The following DLGAP2 variants were observed in gnomAD, a reference collection of about 807,000 sequenced individuals.
DLGAP2 encodes DLG associated protein 2.
A neutral mutation model predicts 100.3 loss-of-function variants in DLGAP2; 26 were observed. That is an observed-to-expected ratio of 0.26 (90% CI 0.19 to 0.36). The LOEUF (loss-of-function observed/expected upper bound fraction) is 0.36, where lower values mean the gene tolerates loss of function less well. Ranked by LOEUF, DLGAP2 falls within the 10% of genes least tolerant of loss-of-function variation. DLGAP2 has a pLI of 1.00. For synonymous variants in DLGAP2, 886 were observed against 630.1 expected (o/e 1.41, Z -6.08); for missense variants, 1,858 against 1,453.2 (o/e 1.28, Z -4.53).
At chr8:797,871 C>G (rs1230620918) in intron 1 of DLGAP2, among the ~76,000 whole-genome samples, 2 of 152,156 alleles carry the variant, frequency 1.3e-5, no homozygotes, top group Non-Finnish European at 2.9e-5. Flanking sequence ...CTGCTTCAGC[C>G]TCCTGAGTAG....
intron 1 of DLGAP2, among the ~76,000 whole-genome samples, chr8:762,505 T>C (rs535079581): frequency 6.6e-6 from 1 of 152,304 alleles, no homozygotes; most frequent in South Asian, 2.1e-4. Context: ...TTTGTTCACG[T>C]ATTTAAGAGA....
intron 5 of DLGAP2, among the ~76,000 whole-genome samples, chr8:1,557,388 G>T (rs1044241318): frequency 1.3e-5 from 2 of 152,140 alleles, no homozygotes; most frequent in African/African-American, 4.8e-5. Context: ...TGGACGTGCC[G>T]ATGGCCACGG....
At position 1,145,499 on chromosome 8, in the gene DLGAP2, G is replaced by A. The variant is rs1037296371; in HGVS notation, c.74-113352G>A. ...GCATGCTTCATCCATCCATTGCAAC[G>A]TCAACAGACCCCTCTCCTCCTTCCA... On this transcript the variant is annotated intron_variant, in intron 2 of 14. Coordinates refer to ENST00000637795, the MANE Select transcript of DLGAP2 (RefSeq NM_001346810.2). Among the ~76,000 whole-genome samples, 25 of 152,152 alleles carry A rather than the reference G, an allele frequency of 1.6e-4. 1 individual carries two copies. Among genetic ancestry groups the A allele is most frequent in the African/African-American group, 4.8e-4 (20 of 41,418 alleles).
rs1466875905 is a variant in DLGAP2, at chr8:1,703,714, C to A, written c.*2308C>A. The A allele has an allele frequency of 6.6e-6, 1 of 152,138 alleles. No individual in the cohort carries two copies. Among genetic ancestry groups the A allele is most frequent in the Non-Finnish European group, 1.5e-5 (1 of 68,036 alleles). The allele number at this position is 152,138 out of a possible 1,614,324, so 9.4% of individuals were successfully genotyped here. Reference sequence around the variant, plus strand: ...AGTCAATAATTATTTGTCTCAGATCCCAGATTCTATGATCCCTGCTTAAAA... The same window carrying A: ...AGTCAATAATTATTTGTCTCAGATCACAGATTCTATGATCCCTGCTTAAAA... On this transcript the variant is annotated 3_prime_UTR_variant, in exon 15 of 15. Transcript: ENST00000637795.
chr8:1,183,281 A>G (rs1797430722), intron 2 of DLGAP2, among the ~76,000 whole-genome samples: 1 of 152,280 alleles, frequency 6.6e-6, no homozygotes, highest in South Asian at 2.1e-4. Flanking sequence ...CTCCAGAATA[A>G]TATCAGTTCA....
At chr8:1,667,354 A>G (rs1187125419) in intron 8 of DLGAP2, among the ~76,000 whole-genome samples, 1 of 152,130 alleles carries the variant, frequency 6.6e-6, no homozygotes, top group Non-Finnish European at 1.5e-5. Flanking sequence ...TGGCCTGTCC[A>G]GCTGTACAGC....
intron 2 of DLGAP2, among the ~76,000 whole-genome samples, chr8:1,077,506 A>G (rs112858946): frequency 0.03 from 4,641 of 152,236 alleles, 223 homozygotes; most frequent in African/African-American, 0.11. Flanking sequence ...GGTGAACATC[A>G]CTGGACCCCA....
intron 3 of DLGAP2, among the ~76,000 whole-genome samples, chr8:1,374,832 A>G (rs906710566): frequency 6.6e-6 from 1 of 152,196 alleles, no homozygotes; most frequent in African/African-American, 2.4e-5. Flanking sequence ...CACTCAGGAA[A>G]GCAACTGTGC....
In DLGAP2 at chr8:1,678,313, C is replaced by T. The variant is rs775631050; in HGVS notation, c.2388C>T (p.Gly796=). 6.2e-6 allele frequency: 10 copies of T among 1,614,018 alleles called. No individual in the cohort carries two copies. The highest frequency in any genetic ancestry group is 7.6e-6 in the Non-Finnish European group (9 of 1,179,894). Reference sequence around the variant, plus strand: ...GCCACATCACCACGGAGGACAAAGGCCTTCAGTTCGGCTCATCCTTCCAGC... The same window carrying T: ...GCCACATCACCACGGAGGACAAAGGTCTTCAGTTCGGCTCATCCTTCCAGC... The part of the protein sequence containing the change: ...FPGHITTEDK[G]LQFGSSFQRH... The change falls in exon 12 of 15, where the codon GGC becomes GGT. Residue 796 remains glycine, a synonymous_variant. Coordinates refer to ENST00000637795, the MANE Select transcript of DLGAP2 (RefSeq NM_001346810.2).
At chr8:1,514,979 G>T (rs904688114) in intron 4 of DLGAP2, among the ~76,000 whole-genome samples, 77 of 151,378 alleles carry the variant, frequency 5.1e-4, no homozygotes, top group African/African-American at 1.8e-3. Flanking sequence ...GGACACCAAC[G>T]TGTAGAGAGA....
chr8:908,809 T>G (rs558828454), intron 2 of DLGAP2, among the ~76,000 whole-genome samples: 1 of 152,324 alleles, frequency 6.6e-6, no homozygotes, highest in East Asian at 1.9e-4. Context: ...CAAGTATGTA[T>G]TTGTGTCCCA....
chr8:1,605,408 A>G (rs1796764294), intron 6 of DLGAP2, among the ~76,000 whole-genome samples: 1 of 152,186 alleles, frequency 6.6e-6, no homozygotes, highest in African/African-American at 2.4e-5. Context: ...AGTGGTCTCC[A>G]TATTCCCCTG....
At chr8:932,927 G>A (rs531635320) in intron 2 of DLGAP2, among the ~76,000 whole-genome samples, 22 of 152,092 alleles carry the variant, frequency 1.4e-4, no homozygotes, top group African/African-American at 2.4e-4. Flanking sequence ...CTTTCCCCTC[G>A]ATCTTTCTGT....
chr8:1,380,372 T>C (rs962110292), intron 3 of DLGAP2: 9 of 152,162 alleles, frequency 5.9e-5, no homozygotes, highest in Non-Finnish European at 2.9e-5. Context: ...CCAGAAATTA[T>C]GAAATAAATC....
intron 2 of DLGAP2, among the ~76,000 whole-genome samples, chr8:967,391 G>C (rs1355453934): frequency 6.6e-6 from 1 of 152,180 alleles, no homozygotes; most frequent in Non-Finnish European, 1.5e-5. Flanking sequence ...CTGTGGTTTT[G>C]AGAGTGAGTA....
chr8:1,661,216 G>C (rs1234726285), intron 8 of DLGAP2, among the ~76,000 whole-genome samples: 1 of 152,192 alleles, frequency 6.6e-6, no homozygotes, highest in African/African-American at 2.4e-5. Flanking sequence ...TTCTCAGCCT[G>C]CTGGGCCCAG....
Position 1,338,525 on chromosome 8 carries a change from G to C in DLGAP2, c.106+79642G>C, listed in dbSNP as rs190911019. Among the ~76,000 whole-genome samples the C allele has an allele frequency of 2.2e-3, 335 of 152,304 alleles. 1 individual carries two copies. Among genetic ancestry groups the C allele is most frequent in the Non-Finnish European group, 3.9e-3 (263 of 68,036 alleles). ...GCTGATTGATACAGAATATGTTTTG[G>C]GGTGATGCAAATCCTTTGAAATTAC... is the stretch of plus-strand genomic sequence containing the variant. On this transcript the variant is annotated intron_variant, in intron 3 of 14. Coordinates refer to ENST00000637795, the MANE Select transcript of DLGAP2 (RefSeq NM_001346810.2).
At chr8:756,490 G>C (rs368952220) in intron 1 of DLGAP2, among the ~76,000 whole-genome samples, 8 of 152,246 alleles carry the variant, frequency 5.3e-5, no homozygotes, top group African/African-American at 1.9e-4. Flanking sequence ...ATGAACTTTG[G>C]TTTTCCATCC....
chr8:945,814 C>T (rs562223284), intron 2 of DLGAP2, among the ~76,000 whole-genome samples: 7 of 152,154 alleles, frequency 4.6e-5, no homozygotes, highest in South Asian at 2.1e-4. Context: ...CTCGCTCCCT[C>T]GCTGTCCATT....
Sources: gnomAD v4.1 joint callset for allele counts (sites outside exome capture counted in the v4.1 genomes callset) on GRCh38, gnomAD v4.1.1 for gene constraint, MANE v1.5 for transcripts, NCBI Gene and HGNC (gene_info 2026-07-23, HGNC 2026-07-21) for gene names.